Variants in DDX10 observed in about 807,000 individuals in gnomAD.
The protein encoded by DDX10 is probable ATP-dependent RNA helicase DDX10.
A neutral mutation model predicts 104.3 loss-of-function variants in DDX10; 74 were observed. The ratio of observed to expected loss-of-function variants is 0.71; its 90% CI spans 0.59 to 0.86. The LOEUF (loss-of-function observed/expected upper bound fraction) is 0.86. DDX10 is among the 40% of genes least tolerant of loss of function. The probability of loss-of-function intolerance (pLI) is 0.00; values close to 1 mark genes in which losing one functional copy is unlikely to be tolerated. For synonymous variants in DDX10, 351 were observed against 353.4 expected (o/e 0.99, Z 0.08); for missense variants, 952 against 1,040.0 (o/e 0.92, Z 1.16).
At chr11:108,822,323 TG>T in intron 13 of DDX10, 1 of 327,824 alleles carries the variant, frequency 3.1e-6, no homozygotes, top group Non-Finnish European at 5.9e-6. Flanking sequence ...AATAAGGCAG[TG>T]GCCAGTTATT....
At chr11:108,904,814 C>G (rs1170692402) in intron 16 of DDX10, among the ~76,000 whole-genome samples, 1 of 152,004 alleles carries the variant, frequency 6.6e-6, no homozygotes, top group Non-Finnish European at 1.5e-5. Context: ...CCTACTAACT[C>G]CATGGCTATT....
chr11:108,729,513 C>A (rs2094309400), intron 13 of DDX10, among the ~76,000 whole-genome samples: 1 of 152,030 alleles, frequency 6.6e-6, no homozygotes, highest in Non-Finnish European at 1.5e-5. Context: ...TGCAGCTCGA[C>A]TGAGCAAATA....
chr11:108,916,826 A>G (rs765819377), intron 16 of DDX10, among the ~76,000 whole-genome samples: 1 of 152,164 alleles, frequency 6.6e-6, no homozygotes, highest in Admixed American at 6.5e-5. Flanking sequence ...TTAATTTTGC[A>G]TTAGTTTGTT....
intron 13 of DDX10, among the ~76,000 whole-genome samples, chr11:108,810,706 T>G (rs1052894472): frequency 3.3e-5 from 5 of 152,198 alleles, no homozygotes; most frequent in Admixed American, 3.3e-4. Context: ...GATAAGTGCA[T>G]GTGTGCACAC....
At chr11:108,821,079 G>A (rs893639973) in intron 13 of DDX10, among the ~76,000 whole-genome samples, 8 of 152,162 alleles carry the variant, frequency 5.3e-5, no homozygotes, top group East Asian at 1.9e-4. Flanking sequence ...GTATGACAAA[G>A]CTCATTCCCT....
chr11:108,694,544 A>G (rs779896078), intron 9 of DDX10, among the ~76,000 whole-genome samples: 1 of 152,182 alleles, frequency 6.6e-6, no homozygotes, highest in Non-Finnish European at 1.5e-5. Flanking sequence ...TCCTCCCAAA[A>G]GTATCCTATG....
chr11:108,754,458 A>T (rs1363588344), intron 13 of DDX10, among the ~76,000 whole-genome samples: 1 of 152,062 alleles, frequency 6.6e-6, no homozygotes, highest in Non-Finnish European at 1.5e-5. Flanking sequence ...GGAAGAAAAT[A>T]TTAGAACTTG....
At chr11:108,881,928 T>C (rs1863232287) in intron 16 of DDX10, among the ~76,000 whole-genome samples, 1 of 152,164 alleles carries the variant, frequency 6.6e-6, no homozygotes. Flanking sequence ...GCCACCACTC[T>C]ATATGGTGCT....
chr11:108,785,264 C>T (rs1448486115), intron 13 of DDX10, among the ~76,000 whole-genome samples: 1 of 152,134 alleles, frequency 6.6e-6, no homozygotes, highest in East Asian at 1.9e-4. Flanking sequence ...CCTTACATCC[C>T]AGGAATAAAG....
intron 13 of DDX10, among the ~76,000 whole-genome samples, chr11:108,786,886 A>T (rs1861801670): frequency 6.6e-6 from 1 of 152,078 alleles, no homozygotes; most frequent in African/African-American, 2.4e-5. Flanking sequence ...TCCTGTCTTT[A>T]TGTTGTTGGC....
intron 16 of DDX10, among the ~76,000 whole-genome samples, chr11:108,882,024 C>T (rs951232748): frequency 1.3e-5 from 2 of 152,106 alleles, no homozygotes; most frequent in African/African-American, 4.8e-5. Context: ...ATTGTCAGGT[C>T]TAAATACTTT....
chr11:108,910,524 G>T (rs1330614135), intron 16 of DDX10, among the ~76,000 whole-genome samples: 4 of 152,126 alleles, frequency 2.6e-5, no homozygotes, highest in African/African-American at 9.7e-5. Context: ...TCTGTTTTGG[G>T]ATATTTTCAC....
intron 13 of DDX10, among the ~76,000 whole-genome samples, chr11:108,837,161 A>G (rs1454191893): frequency 2.6e-5 from 4 of 152,218 alleles, no homozygotes; most frequent in Admixed American, 6.5e-5. Context: ...AATCCTCCCA[A>G]TAACTGTATG....
chr11:108,762,774 TATA>T (rs1298284111), intron 13 of DDX10, among the ~76,000 whole-genome samples: 2 of 152,182 alleles, frequency 1.3e-5, no homozygotes, highest in Non-Finnish European at 2.9e-5. Context: ...CCCTCACATT[TATA>T]ATATTTTTCT....
chr11:108,675,467 A>G, intron 2 of DDX10, 129 bp from the exon 3 acceptor site: 2 of 969,990 alleles, frequency 2.1e-6, no homozygotes, highest in East Asian at 2.5e-5. Flanking sequence ...GTCTCCAAGT[A>G]TAGTTATGTT....
chr11:108,746,290 A>G (rs1358231238), intron 13 of DDX10, among the ~76,000 whole-genome samples: 1 of 151,868 alleles, frequency 6.6e-6, no homozygotes, highest in Admixed American at 6.6e-5. Flanking sequence ...TTCAAATGGA[A>G]TCACAGTAAG....
chr11:108,726,860 T>C (rs1162979604), intron 13 of DDX10, among the ~76,000 whole-genome samples: 1 of 152,090 alleles, frequency 6.6e-6, no homozygotes, highest in East Asian at 1.9e-4. Flanking sequence ...GAAGCTTCCA[T>C]CTATTCCTAG....
At chr11:108,700,768 A>G (rs1008130929) in intron 9 of DDX10, among the ~76,000 whole-genome samples, 1 of 152,150 alleles carries the variant, frequency 6.6e-6, no homozygotes, top group African/African-American at 2.4e-5. Flanking sequence ...AATGGGGTTA[A>G]TTGTATCTAA....
intron 16 of DDX10, among the ~76,000 whole-genome samples, chr11:108,875,487 G>A (rs1863139431): frequency 6.6e-6 from 1 of 152,082 alleles, no homozygotes; most frequent in Non-Finnish European, 1.5e-5. Context: ...AAACTTAGAA[G>A]GGTCTCTCAG....
Sources: gnomAD v4.1 joint callset for allele counts (sites outside exome capture counted in the v4.1 genomes callset) on GRCh38, gnomAD v4.1.1 for gene constraint, MANE v1.5 for transcripts, NCBI Gene and HGNC (gene_info 2026-07-23, HGNC 2026-07-21) for gene names.